The following PDIA3 variants were observed in gnomAD, a reference collection of about 807,000 sequenced individuals.
PDIA3 encodes protein disulfide isomerase family A member 3.
A neutral mutation model predicts 56.9 loss-of-function variants in PDIA3; 16 were observed. That is an observed-to-expected ratio of 0.28 (90% CI 0.19 to 0.43). The LOEUF (loss-of-function observed/expected upper bound fraction) is 0.43. PDIA3 is among the 20% of genes least tolerant of loss of function. The pLI, the probability that PDIA3 is intolerant of heterozygous loss-of-function variation, is 1.00. For missense variants in PDIA3, 485 were observed against 621.3 expected, an observed-to-expected ratio of 0.78 and a Z score of 2.33; for synonymous variants, 192 against 216.5, an observed-to-expected ratio of 0.89 and a Z score of 0.99.
intron 7 of PDIA3, 114 bp from the exon 8 acceptor site, chr15:43,766,614 A>G (rs1490132239): frequency 2.5e-6 from 2 of 789,750 alleles, no homozygotes; most frequent in Admixed American, 2.7e-5. Flanking sequence ...GACTGATTCC[A>G]GAAGGCTAGA....
At chr15:43,753,765 C>A in intron 1 of PDIA3, 59 bp from the exon 2 acceptor site, 2 of 1,206,908 alleles carry the variant, frequency 1.7e-6, no homozygotes, top group Non-Finnish European at 2.5e-6. Flanking sequence ...CCTAGTGAGA[C>A]AACATTAACA....
At chr15:43,764,363 G>A (rs921728302) in intron 5 of PDIA3, among the ~76,000 whole-genome samples, 1 of 152,082 alleles carries the variant, frequency 6.6e-6, no homozygotes, top group African/African-American at 2.4e-5. Flanking sequence ...GTCTAAACTC[G>A]GTCAACAGCA....
chr15:43,768,578 G>A lies in PDIA3; in HGVS notation c.1118G>A (p.Ser373Asn). ...RYLKSEPIPE[S>N]NDGPVKVVVA... ...CTGAAGTCTGAACCTATCCCAGAGA[G>A]CAATGATGGGCCTGTGAAGGTGAGG... The change falls in exon 9 of 13, where the codon AGC (serine) becomes AAC (asparagine). Residue 373 changes from serine (S) to asparagine (N), a missense_variant. Ser to Asn is a conservative substitution (Grantham distance 46). Transcript: ENST00000300289. 6.2e-7 allele frequency: 1 copy of A among 1,607,948 alleles called. No homozygotes were observed. Among genetic ancestry groups the A allele is most frequent in the Non-Finnish European group, 8.5e-7 (1 of 1,174,340 alleles).
chr15:43,753,770 T>G (rs2086759379), intron 1 of PDIA3, 54 bp from the exon 2 acceptor site: 1 of 1,250,916 alleles, frequency 8.0e-7, no homozygotes, highest in African/African-American at 1.5e-5. Context: ...TGAGACAACA[T>G]TAACAAATTC....
At chr15:43,751,292 T>G (rs2086742771) in intron 1 of PDIA3, among the ~76,000 whole-genome samples, 1 of 152,018 alleles carries the variant, frequency 6.6e-6, no homozygotes, top group Non-Finnish European at 1.5e-5. Context: ...AATAATACTG[T>G]GTCACCCCTG....
At chr15:43,764,514 C>G (rs1423392961) in intron 5 of PDIA3, among the ~76,000 whole-genome samples, 6 of 152,146 alleles carry the variant, frequency 3.9e-5, no homozygotes, top group Admixed American at 3.9e-4. Context: ...GTTGCCCAGG[C>G]TGGAGTGCAG....
rs1234102023 is a variant in PDIA3, at chr15:43,763,220, T to A, written c.602+14T>A. On this transcript the variant is annotated intron_variant, in intron 5 of 12. Coordinates refer to ENST00000300289, the MANE Select transcript of PDIA3 (RefSeq NM_005313.5). ...TGATAATGGAGAGTAAGTGACTGAGTTGAATCTCCTGACCAAGTATTATTG... is the reference window on the plus strand; with the variant it reads ...TGATAATGGAGAGTAAGTGACTGAGATGAATCTCCTGACCAAGTATTATTG... 2 of 1,612,068 alleles carry A rather than the reference T, an allele frequency of 1.2e-6. No individual in the cohort carries two copies. The highest frequency in any genetic ancestry group is 2.7e-5 in the African/African-American group (2 of 74,878).
chr15:43,771,914 C>G lies in PDIA3; in HGVS notation c.*696C>G, dbSNP rs1010945469. On this transcript the variant is annotated 3_prime_UTR_variant, in exon 13 of 13. Transcript: ENST00000300289. Reference sequence around the variant, plus strand: ...GCCCTAAGGATGGGTTCCTGTTTATCCTTGCCACGCAGCTGAGCTTACTGC... The same window carrying G: ...GCCCTAAGGATGGGTTCCTGTTTATGCTTGCCACGCAGCTGAGCTTACTGC... The G allele has an allele frequency of 3.2e-6, 1 of 308,068 alleles. No individual in the cohort carries two copies. Among genetic ancestry groups the G allele is most frequent in the African/African-American group, 2.1e-5 (1 of 46,808 alleles). 19.1% of individuals were successfully genotyped at this position (308,068 alleles called of 1,614,324 possible). A position where few individuals can be genotyped will look rare whatever the true frequency, so the allele number is the denominator to read the frequency against.
chr15:43,763,259 T>C (rs867477519), intron 5 of PDIA3, 53 bp downstream of exon 5: 1 of 1,579,876 alleles, frequency 6.3e-7, no homozygotes, highest in Middle Eastern at 1.7e-4. Flanking sequence ...GAACTGGTGA[T>C]ACTGATTGAC....
At chr15:43,760,982 G>A (rs1323558380) in intron 3 of PDIA3, among the ~76,000 whole-genome samples, 1 of 151,364 alleles carries the variant, frequency 6.6e-6, no homozygotes, top group East Asian at 2.0e-4. Flanking sequence ...GCTCACGCCT[G>A]TAATCCCAGC....
intron 2 of PDIA3, among the ~76,000 whole-genome samples, chr15:43,755,652 G>T (rs745853607): frequency 6.6e-6 from 1 of 152,156 alleles, no homozygotes. Context: ...TGTGGCTCAC[G>T]CCTGTAATCC....
At chr15:43,758,640 A>G (rs967468235) in intron 3 of PDIA3, among the ~76,000 whole-genome samples, 2 of 149,150 alleles carry the variant, frequency 1.3e-5, no homozygotes, top group African/African-American at 4.9e-5. Flanking sequence ...CCTGGGGAAC[A>G]ACGCAAGACT....
chr15:43,770,373 G>C (rs1317822219), intron 11 of PDIA3, 44 bp downstream of exon 11: 2 of 1,517,268 alleles, frequency 1.3e-6, no homozygotes, highest in African/African-American at 2.7e-5. Context: ...GCAATAGATA[G>C]GAATAAAGCT....
chr15:43,755,258 G>A (rs760315761), intron 2 of PDIA3, among the ~76,000 whole-genome samples: 11 of 152,108 alleles, frequency 7.2e-5, no homozygotes, highest in African/African-American at 2.7e-4. Flanking sequence ...ACCCAGGGGG[G>A]CGGAGGTTGC....
At chr15:43,760,273 C>T (rs956256583) in intron 3 of PDIA3, among the ~76,000 whole-genome samples, 3 of 151,532 alleles carry the variant, frequency 2.0e-5, no homozygotes, top group African/African-American at 4.9e-5. Flanking sequence ...TGCCTGTAGA[C>T]CCAGCTACTC....
chr15:43,749,809 G>A (rs1288919615), intron 1 of PDIA3, among the ~76,000 whole-genome samples: 1 of 152,104 alleles, frequency 6.6e-6, no homozygotes, highest in Admixed American at 6.5e-5. Flanking sequence ...GGGCATGGTA[G>A]CACACGCCTG....
chr15:43,765,661 G>A, intron 6 of PDIA3, 95 bp downstream of exon 6: 1 of 926,580 alleles, frequency 1.1e-6, no homozygotes, highest in East Asian at 2.4e-5. Context: ...GGCGTAAACA[G>A]TCTATTTGGG....
At chr15:43,755,232 C>T (rs12908467) in intron 2 of PDIA3, among the ~76,000 whole-genome samples, 90,802 of 151,946 alleles carry the variant, frequency 0.6, 30,210 homozygotes, top group Non-Finnish European at 0.73. Context: ...AAGGCTGAGA[C>T]AGGACAATCG....
rs544531984 is a variant in PDIA3 at position 43,765,644 on chromosome 15, A to G, written c.719+78A>G. On this transcript the variant is annotated intron_variant, in intron 6 of 12. Transcript: ENST00000300289. The stretch of plus-strand genomic sequence containing the variant: ...TTTACCTCAGTTATTAAGCCGAGCT[A>G]TATTTTGGCGTAAACAGTCTATTTG... 7 of 1,012,028 alleles carry G rather than the reference A, an allele frequency of 6.9e-6. No homozygotes were observed. The African/African-American group carries it at 9.6e-5, about 14-fold the overall frequency. The allele number at this position is 1,012,028 out of a possible 1,614,324, so 62.7% of individuals were successfully genotyped here. A position where few individuals can be genotyped will look rare whatever the true frequency, so the allele number is the denominator to read the frequency against.
Sources: allele counts gnomAD v4.1 joint callset (sites outside exome capture counted in the v4.1 genomes callset), GRCh38; gene constraint gnomAD v4.1.1; transcripts MANE v1.5; gene names NCBI Gene and HGNC (gene_info 2026-07-23, HGNC 2026-07-21).